Variants in ASTN2 observed in about 807,000 individuals in gnomAD.
The protein encoded by ASTN2 is astrotactin 2.
In ASTN2, 54 loss-of-function variants were observed where a neutral mutation model predicts 139.8. That is an observed-to-expected ratio of 0.39 (90% confidence interval 0.31 to 0.48). ASTN2 has a LOEUF of 0.48. Among genes scored for constraint, ASTN2 ranks in the 20% least tolerant of loss-of-function variants. The pLI is 0.95. For synonymous variants in ASTN2, 756 were observed against 719.5 expected (o/e 1.05, Z -0.81); for missense variants, 1,565 against 1,725.1 (o/e 0.91, Z 1.64).
intron 20 of ASTN2, among the ~76,000 whole-genome samples, chr9:116,464,533 T>C (rs999902579): frequency 6.6e-6 from 1 of 152,178 alleles, no homozygotes; most frequent in Admixed American, 6.6e-5. Flanking sequence ...TATAATTATC[T>C]TCCTTGAGAG....
chr9:116,732,599 C>T lies in ASTN2; in HGVS notation c.2521+800G>A, dbSNP rs566458008. 2.6e-5 allele frequency among the ~76,000 whole-genome samples: 4 copies of T among 152,240 alleles called. No homozygotes were observed. In the South Asian group the frequency reaches 6.2e-4, roughly 24 times the overall value. ...AACCACAGTATCACAAAGGCAGAGTCGAGAACCTCACATCTTAGGAAATTT... is the reference window on the plus strand; with the variant it reads ...AACCACAGTATCACAAAGGCAGAGTTGAGAACCTCACATCTTAGGAAATTT... On this transcript the variant is annotated intron_variant, in intron 14 of 22. Coordinates refer to ENST00000313400, the MANE Select transcript of ASTN2 (RefSeq NM_001365068.1).
intron 19 of ASTN2, among the ~76,000 whole-genome samples, chr9:116,530,196 T>TTGC (rs1276536645): frequency 1.4e-5 from 2 of 143,032 alleles, no homozygotes; most frequent in East Asian, 4.3e-4. Flanking sequence ...ATCCTCTCAT[T>TTGC]TGCTATATGG....
intron 19 of ASTN2, among the ~76,000 whole-genome samples, chr9:116,492,600 T>C (rs1350611372): frequency 6.6e-6 from 1 of 152,158 alleles, no homozygotes; most frequent in East Asian, 1.9e-4. Flanking sequence ...AGCCAACTTA[T>C]GAGATAAAAT....
At chr9:116,652,421 T>G (rs1052923268) in intron 16 of ASTN2, among the ~76,000 whole-genome samples, 2 of 152,186 alleles carry the variant, frequency 1.3e-5, no homozygotes, top group African/African-American at 4.8e-5. Context: ...GATATAAATA[T>G]TCAAAGATAT....
chr9:117,065,195 G>A (rs140933306), intron 5 of ASTN2, among the ~76,000 whole-genome samples: 109 of 152,216 alleles, frequency 7.2e-4, no homozygotes, highest in African/African-American at 2.0e-3. Context: ...TTCTCCCTCC[G>A]TGCTTCCAGA....
chr9:117,191,278 G>A (rs78107843), intron 3 of ASTN2, among the ~76,000 whole-genome samples: 1,899 of 144,796 alleles, frequency 0.013, 33 homozygotes, highest in East Asian at 0.086. Context: ...AATACATTAT[G>A]AAGCAGTCAT....
At chr9:117,063,723 C>T (rs563198699) in intron 5 of ASTN2, among the ~76,000 whole-genome samples, 1 of 152,092 alleles carries the variant, frequency 6.6e-6, no homozygotes, top group Non-Finnish European at 1.5e-5. Context: ...GGAACACTGC[C>T]CTTGAGCATA....
At chr9:117,352,683 AT>A (rs1472254904) in intron 1 of ASTN2, among the ~76,000 whole-genome samples, 1 of 152,208 alleles carries the variant, frequency 6.6e-6, no homozygotes, top group Non-Finnish European at 1.5e-5. Flanking sequence ...TAAGATATCC[AT>A]TTTATTGAAA....
intron 4 of ASTN2, among the ~76,000 whole-genome samples, chr9:117,139,274 T>C (rs532934847): frequency 6.6e-6 from 1 of 152,348 alleles, no homozygotes; most frequent in East Asian, 1.9e-4. Flanking sequence ...GTGGTCTACA[T>C]TCAGCCTTTT....
rs150684546 is a variant in ASTN2 at position 116,792,177 on chromosome 9, T to A, written c.2396+13455A>T. Among the ~76,000 whole-genome samples, 1,021 of 152,226 alleles carry A rather than the reference T, an allele frequency of 6.7e-3. 17 individuals are homozygous for A. Among genetic ancestry groups the A allele is most frequent in the African/African-American group, 0.023 (958 of 41,520 alleles). ...AATTCCCTGCTCCCCATTAAAAAAA[T>A]AATAATAATAAAGAACATCTTTCAC... On this transcript the variant is annotated intron_variant, in intron 13 of 22. Coordinates refer to ENST00000313400, the MANE Select transcript of ASTN2 (RefSeq NM_001365068.1).
intron 22 of ASTN2, among the ~76,000 whole-genome samples, chr9:116,439,412 G>GTA (rs1847772306): frequency 2.2e-5 from 3 of 139,398 alleles, no homozygotes; most frequent in South Asian, 6.5e-4. Context: ...GTTTTAGCCG[G>GTA]GATGGTCTCG....
rs751759197 is a variant in ASTN2 at position 117,141,363 on chromosome 9, T to A, written c.1131A>T (p.Thr377=). The change falls in exon 4 of 23, where the codon ACA becomes ACT. Residue 377 remains threonine (T), a synonymous_variant. Coordinates refer to ENST00000313400, the MANE Select transcript of ASTN2 (RefSeq NM_001365068.1). The part of the protein sequence containing the change: ...IGQLQPPLRS[T]SAGKRKRRSK... ...TCCTCCGCTTCCTCTTCCCTGCCGA[T>A]GTGCTGCGCAGGGGTGGTTGCAGCT... 2.9e-6 allele frequency: 4 copies of A among 1,367,394 alleles called. No homozygotes were observed. The highest frequency in any genetic ancestry group is 3.0e-5 in the African/African-American group (2 of 67,722). 84.7% of individuals were successfully genotyped at this position (1,367,394 alleles called of 1,614,324 possible).
chr9:116,836,449 GGT>G (rs1831995044), intron 11 of ASTN2, among the ~76,000 whole-genome samples: 1 of 152,072 alleles, frequency 6.6e-6, no homozygotes, highest in Non-Finnish European at 1.5e-5. Context: ...CATGGGGAGG[GGT>G]GTGTTCATTT....
chr9:117,023,868 A>G (rs1184536337), intron 6 of ASTN2, among the ~76,000 whole-genome samples: 1 of 152,086 alleles, frequency 6.6e-6, no homozygotes, highest in Non-Finnish European at 1.5e-5. Context: ...CTGAAATAGG[A>G]CTGGAGGCCT....
chr9:116,426,204 T>A, intron 22 of ASTN2, 116 bp from the exon 23 acceptor site: 1 of 1,315,638 alleles, frequency 7.6e-7, no homozygotes, highest in East Asian at 2.4e-5. Context: ...TCCTATCTAC[T>A]CCAGATTGGA....
At chr9:117,294,075 G>A (rs1424448846) in intron 1 of ASTN2, among the ~76,000 whole-genome samples, 1 of 152,226 alleles carries the variant, frequency 6.6e-6, no homozygotes, top group East Asian at 1.9e-4. Context: ...CACTATTAAA[G>A]AGGCTTCCCC....
At chr9:117,194,363 G>C (rs1330175111) in intron 3 of ASTN2, among the ~76,000 whole-genome samples, 1 of 152,172 alleles carries the variant, frequency 6.6e-6, no homozygotes, top group African/African-American at 2.4e-5. Context: ...CTAAGAAAGA[G>C]GTTTTTAAAC....
At chr9:116,505,813 G>A (rs899947239) in intron 19 of ASTN2, among the ~76,000 whole-genome samples, 1 of 152,008 alleles carries the variant, frequency 6.6e-6, no homozygotes, top group Non-Finnish European at 1.5e-5. Context: ...TGCCCTCCTT[G>A]GTGCTCCTGA....
At chr9:117,310,348 G>A (rs7867776) in intron 1 of ASTN2, among the ~76,000 whole-genome samples, 45,401 of 151,970 alleles carry the variant, frequency 0.3, 7,761 homozygotes, top group East Asian at 0.44. Context: ...CTGCCTTCCA[G>A]GCCAGCAATA....
Sources: gnomAD v4.1 joint callset for allele counts (sites outside exome capture counted in the v4.1 genomes callset) on GRCh38, gnomAD v4.1.1 for gene constraint, MANE v1.5 for transcripts, NCBI Gene and HGNC (gene_info 2026-07-23, HGNC 2026-07-21) for gene names.